Variants in XKR6 observed in about 807,000 individuals in gnomAD.
The protein encoded by XKR6 is XK-related protein 6.
XKR6 carries 22 observed loss-of-function variants against 56.7 expected under a neutral mutation model. The observed-to-expected ratio is 0.39, with a 90% CI of 0.28 to 0.55. The LOEUF (loss-of-function observed/expected upper bound fraction) is 0.55. XKR6 is among the 20% of genes least tolerant of loss of function. The pLI, the probability that XKR6 is intolerant of heterozygous loss-of-function variation, is 0.66. For missense variants in XKR6, 852 were observed against 889.0 expected, an observed-to-expected ratio of 0.96 and a Z score of 0.53; for synonymous variants, 524 against 387.8, an observed-to-expected ratio of 1.35 and a Z score of -4.13.
intron 1 of XKR6, among the ~76,000 whole-genome samples, chr8:10,963,862 G>A (rs1443071241): frequency 1.3e-5 from 2 of 152,186 alleles, no homozygotes; most frequent in East Asian, 1.9e-4. Flanking sequence ...GTTGCTGAAC[G>A]AATGAATGAT....
chr8:11,076,138 A>G (rs1800268681), intron 1 of XKR6, among the ~76,000 whole-genome samples: 1 of 152,224 alleles, frequency 6.6e-6, no homozygotes, highest in African/African-American at 2.4e-5. Flanking sequence ...CAAATACTAT[A>G]TGATGCTTCT....
chr8:10,899,115 A>T (rs146491822), intron 2 of XKR6, among the ~76,000 whole-genome samples, 199 bp from the exon 3 acceptor site: 1 of 152,322 alleles, frequency 6.6e-6, no homozygotes, highest in East Asian at 1.9e-4. Flanking sequence ...CTTTTGTTTC[A>T]ACAACCCCAT....
rs1801831657 is a variant in XKR6, at chr8:10,954,866, C to CTTTTTTTTTTCTTT, written c.765-30037_765-30036insAAAGAAAAAAAAAA. On this transcript the variant is annotated intron_variant, in intron 1 of 2. Coordinates refer to ENST00000416569, the MANE Select transcript of XKR6 (RefSeq NM_173683.4). ...TAAGGTAAGGGTCTAACTTCATTCT[C>CTTTTTTTTTTCTTT]TTTTTTTTTTTTTTTTTTTTAGACA... 1.1e-4 allele frequency among the ~76,000 whole-genome samples: 10 copies of CTTTTTTTTTTCTTT among 92,794 alleles called. 1 individual carries two copies. The highest frequency in any genetic ancestry group is 8.7e-4 in the Admixed American group (8 of 9,182). The allele number at this position is 92,794 out of a possible 152,430, so 60.9% of individuals were successfully genotyped here. A position where few individuals can be genotyped will look rare whatever the true frequency, so the allele number is the denominator to read the frequency against.
At chr8:10,956,507 TCAA>T (rs1801893519) in intron 1 of XKR6, among the ~76,000 whole-genome samples, 1 of 152,130 alleles carries the variant, frequency 6.6e-6, no homozygotes, top group Non-Finnish European at 1.5e-5. Flanking sequence ...GGCCCAGGCC[TCAA>T]CTTGGGAGCT....
At chr8:10,913,224 T>C (rs1800461467) in intron 2 of XKR6, among the ~76,000 whole-genome samples, 1 of 151,930 alleles carries the variant, frequency 6.6e-6, no homozygotes, top group Non-Finnish European at 1.5e-5. Flanking sequence ...TTCATATACT[T>C]GTTCATTGCC....
intron 1 of XKR6, among the ~76,000 whole-genome samples, chr8:11,020,808 G>C (rs1798733376): frequency 6.6e-6 from 1 of 152,178 alleles, no homozygotes; most frequent in Non-Finnish European, 1.5e-5. Context: ...GTGTGCACTT[G>C]GGCAGGCCAG....
intron 1 of XKR6, among the ~76,000 whole-genome samples, chr8:10,932,717 T>G (rs2129120680): frequency 7.6e-6 from 1 of 130,818 alleles, no homozygotes; most frequent in East Asian, 2.0e-4. Flanking sequence ...AGAATGATGA[T>G]TTCCAATTTC....
chr8:11,096,306 T>C (rs995721211), intron 1 of XKR6, among the ~76,000 whole-genome samples: 5 of 152,170 alleles, frequency 3.3e-5, no homozygotes, highest in African/African-American at 2.4e-5. Context: ...CATGCATCCA[T>C]CTGATGGAAT....
At chr8:11,098,041 T>C (rs756191288) in intron 1 of XKR6, among the ~76,000 whole-genome samples, 2 of 152,160 alleles carry the variant, frequency 1.3e-5, no homozygotes, top group Non-Finnish European at 2.9e-5. Flanking sequence ...TCCCCCAGCA[T>C]ACACTGTTGT....
At position 11,149,404 on chromosome 8, in the gene XKR6, G is replaced by A. The variant is rs572792842; in HGVS notation, c.764+51172C>T. On this transcript the variant is annotated intron_variant, in intron 1 of 2. Coordinates refer to ENST00000416569, the MANE Select transcript of XKR6 (RefSeq NM_173683.4). ...AGTATTATAATTTTATGCAACCACC[G>A]TCGTATATGTGGTCTGCTGTACACC... Among the ~76,000 whole-genome samples the A allele has an allele frequency of 2.2e-4, 33 of 152,182 alleles. No individual in the cohort carries two copies. In the Middle Eastern group the frequency reaches 0.01, roughly 47 times the overall value.
At chr8:11,139,631 G>C (rs1800583887) in intron 1 of XKR6, among the ~76,000 whole-genome samples, 1 of 152,180 alleles carries the variant, frequency 6.6e-6, no homozygotes, top group Non-Finnish European at 1.5e-5. Context: ...AAAGTGCTGG[G>C]ACTGGATTCA....
At chr8:10,933,683 G>C (rs1395404334) in intron 1 of XKR6, among the ~76,000 whole-genome samples, 1 of 143,882 alleles carries the variant, frequency 7.0e-6, no homozygotes, top group Non-Finnish European at 1.5e-5. Context: ...GTTTTTCTCA[G>C]GTTTGTCAAA....
intron 1 of XKR6, among the ~76,000 whole-genome samples, chr8:10,997,474 T>A (rs1798140384): frequency 6.6e-6 from 1 of 152,182 alleles, no homozygotes; most frequent in African/African-American, 2.4e-5. Flanking sequence ...CCTCAGAGCA[T>A]TCCACAGACC....
rs1554522908 is a variant in XKR6 at position 11,004,499 on chromosome 8, A to ATAAAT, written c.765-79670_765-79669insATTTA. 1.2e-3 allele frequency among the ~76,000 whole-genome samples: 177 copies of ATAAAT among 151,366 alleles called. 1 individual carries two copies. Among genetic ancestry groups the ATAAAT allele is most frequent in the African/African-American group, 4.3e-3 (175 of 40,986 alleles). ...CAAAAATAAATAAATAAATAAATAA[A>ATAAAT]AAATAAAGCTCCGGTGGGACAAAGA... is the stretch of plus-strand genomic sequence containing the variant. On this transcript the variant is annotated intron_variant, in intron 1 of 2. Coordinates refer to ENST00000416569, the MANE Select transcript of XKR6 (RefSeq NM_173683.4).
At chr8:11,178,270 G>C (rs1802763488) in intron 1 of XKR6, among the ~76,000 whole-genome samples, 1 of 152,024 alleles carries the variant, frequency 6.6e-6, no homozygotes. Context: ...GCTCCGGATG[G>C]AACTGTAGCA....
chr8:11,198,450 GT>G, intron 1 of XKR6, among the ~76,000 whole-genome samples: 1 of 148,988 alleles, frequency 6.7e-6, no homozygotes, highest in South Asian at 2.1e-4. Context: ...GAAAAAAGAT[GT>G]AAAAAAAAAA....
At chr8:10,975,108 C>A (rs751524718) in intron 1 of XKR6, among the ~76,000 whole-genome samples, 1 of 152,200 alleles carries the variant, frequency 6.6e-6, no homozygotes, top group Non-Finnish European at 1.5e-5. Flanking sequence ...GGAACACAGT[C>A]CTTGCTGCCC....
chr8:10,900,856 C>CTTTTT (rs1800016143), intron 2 of XKR6, among the ~76,000 whole-genome samples: 1 of 9,272 alleles, frequency 1.1e-4, no homozygotes, highest in Non-Finnish European at 2.0e-4. Flanking sequence ...TGTGCAATTA[C>CTTTTT]CTTTTTTTTT....
intron 1 of XKR6, among the ~76,000 whole-genome samples, chr8:10,985,895 T>C (rs201025814): frequency 1.3e-5 from 2 of 152,336 alleles, no homozygotes; most frequent in East Asian, 3.9e-4. Flanking sequence ...CATGAGCCAC[T>C]GCACCTGGCC....
Sources: allele counts gnomAD v4.1 joint callset (sites outside exome capture counted in the v4.1 genomes callset), GRCh38; gene constraint gnomAD v4.1.1; transcripts MANE v1.5; gene names NCBI Gene and HGNC (gene_info 2026-07-23, HGNC 2026-07-21).